SLC17A8: variants seen among roughly 807,000 people sequenced by gnomAD.
The protein encoded by SLC17A8 is vesicular glutamate transporter 3.
In SLC17A8, 31 loss-of-function variants were observed where a neutral mutation model predicts 58.0. The observed-to-expected ratio is 0.53, with a 90% confidence interval of 0.40 to 0.72. The LOEUF (loss-of-function observed/expected upper bound fraction) is 0.72, where lower values mean the gene tolerates loss of function less well. Ranked by LOEUF, SLC17A8 falls within the 30% of genes least tolerant of loss-of-function variation. SLC17A8 has a pLI of 0.00. For missense variants in SLC17A8, 655 were observed against 727.8 expected (o/e 0.90, Z 1.15); for synonymous variants, 228 against 249.0 (o/e 0.92, Z 0.79).
chr12:100,375,623 T>C (rs895062048), intron 1 of SLC17A8, among the ~76,000 whole-genome samples: 1 of 152,220 alleles, frequency 6.6e-6, no homozygotes, highest in African/African-American at 2.4e-5. Context: ...AATTAAGCAG[T>C]GCAAAGCTCC....
chr12:100,367,383 A>T (rs1952526960), intron 1 of SLC17A8, among the ~76,000 whole-genome samples: 1 of 152,196 alleles, frequency 6.6e-6, no homozygotes, highest in South Asian at 2.1e-4. Context: ...GACTGGTTCA[A>T]ATTCAGCAAT....
At chr12:100,376,878 C>A (rs1952598115) in intron 1 of SLC17A8, among the ~76,000 whole-genome samples, 1 of 152,100 alleles carries the variant, frequency 6.6e-6, no homozygotes, top group Non-Finnish European at 1.5e-5. Context: ...AGTGCAATCT[C>A]AGCTCACTGT....
At chr12:100,369,363 G>GA (rs1380582491) in intron 1 of SLC17A8, among the ~76,000 whole-genome samples, 1 of 152,184 alleles carries the variant, frequency 6.6e-6, no homozygotes, top group Non-Finnish European at 1.5e-5. Context: ...TATTCTCCAG[G>GA]AAAAAGCAGC....
chr12:100,384,243 T>C (rs1163193670), intron 2 of SLC17A8, among the ~76,000 whole-genome samples: 1 of 152,158 alleles, frequency 6.6e-6, no homozygotes, highest in Non-Finnish European at 1.5e-5. Context: ...AAGTTGCCCT[T>C]GTGTCCTGGT....
At chr12:100,399,562 C>T (rs1031742457) in intron 5 of SLC17A8, among the ~76,000 whole-genome samples, 1 of 151,932 alleles carries the variant, frequency 6.6e-6, no homozygotes, top group Non-Finnish European at 1.5e-5. Context: ...AAAGGGGAGG[C>T]AAGGCACATC....
chr12:100,406,294 C>T lies in SLC17A8; in HGVS notation c.1186+2124C>T, dbSNP rs111254324. The stretch of plus-strand genomic sequence containing the variant: ...CTCATCATGTGGTGCCTTATTGCAG[C>T]TCTCTCAGGAAAAGATTTTAGGCAG... On this transcript the variant is annotated intron_variant, in intron 9 of 11. Coordinates refer to ENST00000323346, the MANE Select transcript of SLC17A8 (RefSeq NM_139319.3). Among the ~76,000 whole-genome samples the T allele has an allele frequency of 4.2e-3, 635 of 152,254 alleles. 4 individuals carry two copies. The highest frequency in any genetic ancestry group is 0.01 in the Middle Eastern group (3 of 294).
Position 100,420,384 on chromosome 12 carries a change from T to G in SLC17A8, c.*225T>G, listed in dbSNP as rs1952940491. 1 of 516,636 alleles carries G rather than the reference T, an allele frequency of 1.9e-6. No individual in the cohort carries two copies. The highest frequency in any genetic ancestry group is 3.5e-6 in the Non-Finnish European group (1 of 288,524). The allele number at this position is 516,636 out of a possible 1,614,324, so 32.0% of individuals were successfully genotyped here. A position where few individuals can be genotyped will look rare whatever the true frequency, so the allele number is the denominator to read the frequency against. ...TAATACATATTTTTTGAATTGACAG[T>G]TGACCCTTCTCTCAAAGAGCTAAAC... On this transcript the variant is annotated 3_prime_UTR_variant, in exon 12 of 12. Transcript: ENST00000323346.
intron 9 of SLC17A8, among the ~76,000 whole-genome samples, chr12:100,406,014 A>G (rs1220830221): frequency 1.3e-5 from 2 of 152,128 alleles, no homozygotes; most frequent in Non-Finnish European, 2.9e-5. Flanking sequence ...ATGAAAACTA[A>G]TACAGTAGCC....
chr12:100,414,033 C>T (rs12306800), intron 10 of SLC17A8, among the ~76,000 whole-genome samples: 76,344 of 151,974 alleles, frequency 0.5, 19,435 homozygotes, highest in South Asian at 0.59. Flanking sequence ...AAGAAAATTT[C>T]ACATATATTG....
At chr12:100,383,633 T>G (rs914058148) in intron 2 of SLC17A8, among the ~76,000 whole-genome samples, 3 of 152,190 alleles carry the variant, frequency 2.0e-5, no homozygotes, top group Non-Finnish European at 4.4e-5. Context: ...ATAAGCAGTA[T>G]GAATAGGTAG....
intron 1 of SLC17A8, among the ~76,000 whole-genome samples, chr12:100,364,215 A>G (rs1952503859): frequency 6.6e-6 from 1 of 152,164 alleles, no homozygotes; most frequent in Non-Finnish European, 1.5e-5. Flanking sequence ...GTGAGATCCC[A>G]TGTTGAGAAA....
At chr12:100,364,819 G>A (rs764080013) in intron 1 of SLC17A8, among the ~76,000 whole-genome samples, 1 of 152,190 alleles carries the variant, frequency 6.6e-6, no homozygotes, top group Non-Finnish European at 1.5e-5. Flanking sequence ...TACAAAATGT[G>A]TGGCCAGGAG....
In SLC17A8 at chr12:100,402,334, CT is replaced by C. The variant is rs1240109087; in HGVS notation, c.764-5del. ...TATAACCCAGCCTTTTCTTTTTTAACTGCAGGCATGTTTGGGATTATTTGGT... is the reference window on the plus strand; with the variant it reads ...TATAACCCAGCCTTTTCTTTTTTAACGCAGGCATGTTTGGGATTATTTGGT... On this transcript the variant is annotated splice_region_variant and splice_polypyrimidine_tract_variant and intron_variant, in intron 6 of 11. Transcript: ENST00000323346. 1 of 1,613,794 alleles carries C rather than the reference CT, an allele frequency of 6.2e-7. No homozygotes were observed. The highest frequency in any genetic ancestry group is 1.3e-5 in the African/African-American group (1 of 74,890).
chr12:100,393,108 T>A (rs981351431), intron 3 of SLC17A8, among the ~76,000 whole-genome samples: 4 of 152,166 alleles, frequency 2.6e-5, no homozygotes, highest in Non-Finnish European at 4.4e-5. Context: ...AAATTACAGG[T>A]GCCAGCCGCC....
At chr12:100,394,110 C>T (rs1952735425) in intron 4 of SLC17A8, among the ~76,000 whole-genome samples, 2 of 152,002 alleles carry the variant, frequency 1.3e-5, no homozygotes, top group Admixed American at 6.6e-5. Context: ...TTTTTTCTCA[C>T]CATTTTAAAA....
At chr12:100,402,259 AT>A (rs1234958208) in intron 6 of SLC17A8, 80 bp from the exon 7 acceptor site, 1 of 1,536,974 alleles carries the variant, frequency 6.5e-7, no homozygotes, top group Admixed American at 1.7e-5. Flanking sequence ...CCTGAAAAAA[AT>A]ATATATGGTA....
intron 9 of SLC17A8, among the ~76,000 whole-genome samples, chr12:100,407,848 C>T (rs1423946786): frequency 6.6e-6 from 1 of 152,116 alleles, no homozygotes; most frequent in Non-Finnish European, 1.5e-5. Context: ...CCTTGTGATC[C>T]ACCCACCTCG....
chr12:100,405,323 G>A (rs950987240), intron 9 of SLC17A8, among the ~76,000 whole-genome samples: 11 of 152,204 alleles, frequency 7.2e-5, no homozygotes, highest in African/African-American at 2.7e-4. Flanking sequence ...GAGAGCTGTA[G>A]CAGCTAGAAT....
intron 9 of SLC17A8, among the ~76,000 whole-genome samples, chr12:100,406,117 C>G (rs1372069928): frequency 6.6e-6 from 1 of 152,216 alleles, no homozygotes; most frequent in African/African-American, 2.4e-5. Context: ...ACTTTGCCCA[C>G]TCCCTTTCTC....
Sources: allele counts gnomAD v4.1 joint callset (sites outside exome capture counted in the v4.1 genomes callset), GRCh38; gene constraint gnomAD v4.1.1; transcripts MANE v1.5; gene names NCBI Gene and HGNC (gene_info 2026-07-23, HGNC 2026-07-21).